Variants in IWS1 observed in about 807,000 individuals in gnomAD.
IWS1 encodes interacts with SUPT6H, CTD assembly factor 1.
Under a neutral mutation model 86.7 loss-of-function variants are expected in IWS1, and 27 were observed. That is an observed-to-expected ratio of 0.31 (90% CI 0.23 to 0.43). IWS1 has a LOEUF of 0.43. Ranked by LOEUF, IWS1 falls within the 20% of genes least tolerant of loss-of-function variation. The pLI, the probability that IWS1 is intolerant of heterozygous loss-of-function variation, is 1.00. For synonymous variants in IWS1, 313 were observed against 335.1 expected (o/e 0.93, Z 0.72); for missense variants, 827 against 1,000.8 (o/e 0.83, Z 2.34).
chr2:127,526,479 A>G lies in IWS1; in HGVS notation c.-271T>C. On this transcript the variant is annotated 5_prime_UTR_variant, in exon 1 of 14. Transcript: ENST00000295321. Reference sequence around the variant, plus strand: ...CTTCCTAGAAGCACCGCTGGGGCCAAAATGGCGTCTGCCCACGACCCTCAA... The same window carrying G: ...CTTCCTAGAAGCACCGCTGGGGCCAGAATGGCGTCTGCCCACGACCCTCAA... 6.6e-7 allele frequency: 1 copy of G among 1,524,632 alleles called. No homozygotes were observed. The highest frequency in any genetic ancestry group is 8.8e-7 in the Non-Finnish European group (1 of 1,132,144). The allele number at this position is 1,524,632 out of a possible 1,614,324, so 94.4% of individuals were successfully genotyped here. A position where few individuals can be genotyped will look rare whatever the true frequency, so the allele number is the denominator to read the frequency against.
chr2:127,517,938 T>C (rs918607508), intron 2 of IWS1, among the ~76,000 whole-genome samples: 3 of 152,170 alleles, frequency 2.0e-5, no homozygotes, highest in Non-Finnish European at 4.4e-5. Context: ...CCTGAAAATA[T>C]TATGCTAAGT....
chr2:127,495,675 G>C (rs1056134230), intron 7 of IWS1, among the ~76,000 whole-genome samples: 2 of 152,292 alleles, frequency 1.3e-5, no homozygotes, highest in Non-Finnish European at 2.9e-5. Flanking sequence ...AACGACACAT[G>C]AATTTGTAAC....
At chr2:127,496,261 C>A in intron 6 of IWS1, 113 bp from the exon 7 acceptor site, 1 of 1,189,016 alleles carries the variant, frequency 8.4e-7, no homozygotes, top group South Asian at 1.5e-5. Context: ...GAAGTGCTAC[C>A]TTCTTTTAAA....
Position 127,526,391 on chromosome 2 carries a change from C to T in IWS1, c.-183G>A, listed in dbSNP as rs535451187. ...AAGGCGAATTCTTTGACCTGGAAGC[C>T]CCGGCGGAAAAGGCCGTACCCGGCA... On this transcript the variant is annotated 5_prime_UTR_variant, in exon 1 of 14. Transcript: ENST00000295321. 20 of 1,536,198 alleles carry T rather than the reference C, an allele frequency of 1.3e-5. 1 individual carries two copies. In the East Asian group the frequency reaches 2.9e-4, roughly 23 times the overall value.
In IWS1 at chr2:127,486,793, C is replaced by T. The variant is rs2288654; in HGVS notation, c.2217-129G>A. 1.9e-3 allele frequency: 1,280 copies of T among 689,654 alleles called. 16 individuals carry two copies. The highest frequency in any genetic ancestry group is 0.014 in the South Asian group (834 of 59,272). The allele number at this position is 689,654 out of a possible 1,614,324, so 42.7% of individuals were successfully genotyped here. On this transcript the variant is annotated intron_variant, in intron 12 of 13. Coordinates refer to ENST00000295321, the MANE Select transcript of IWS1 (RefSeq NM_017969.3). ...ATGTTCGAAACTCCTCTACTCCCCA[C>T]CAAAGGTCACCCAATCCACCCTCCT...
At chr2:127,508,914 C>G (rs2104713368) in intron 2 of IWS1, among the ~76,000 whole-genome samples, 1 of 152,356 alleles carries the variant, frequency 6.6e-6, no homozygotes, top group Non-Finnish European at 1.5e-5. Flanking sequence ...TCACCCGCTA[C>G]ACTCTACCCC....
chr2:127,496,550 T>TATACACACACAC (rs1690521550), intron 6 of IWS1, among the ~76,000 whole-genome samples: 1 of 140,330 alleles, frequency 7.1e-6, no homozygotes, highest in Non-Finnish European at 1.5e-5. Flanking sequence ...TATTTTATCA[T>TATACACACACAC]ACACACACAC....
Position 127,505,213 on chromosome 2 carries a change from T to C in IWS1, c.690A>G (p.Pro230=), listed in dbSNP as rs1372977068. The change falls in exon 3 of 14, where the codon CCA becomes CCG. Residue 230 remains proline, a synonymous_variant. Transcript: ENST00000295321. This position sits in a 1 kb window ranked among gnomAD's most constrained non-coding sequence, Gnocchi z 5.0. Reference sequence around the variant, plus strand: ...TTTCAGAGTCACTGGCCTGGTGCCTTGGGGGTTCCTCACTTTCTGAATCAC... The same window carrying C: ...TTTCAGAGTCACTGGCCTGGTGCCTCGGGGGTTCCTCACTTTCTGAATCAC... ...QVSDSESEEP[P]RHQASDSENE... The C allele has an allele frequency of 6.2e-7, 1 of 1,613,724 alleles. No homozygotes were observed. The highest frequency in any genetic ancestry group is 8.5e-7 in the Non-Finnish European group (1 of 1,179,884).
intron 10 of IWS1, among the ~76,000 whole-genome samples, 178 bp downstream of exon 10, chr2:127,491,793 T>G (rs334153): frequency 0.15 from 22,060 of 151,394 alleles, 2,854 homozygotes; most frequent in African/African-American, 0.34. Context: ...TATATTGAGG[T>G]TTTTTTTTAA....
chr2:127,497,295 C>G (rs1422359136), intron 6 of IWS1, among the ~76,000 whole-genome samples: 1 of 152,154 alleles, frequency 6.6e-6, no homozygotes, highest in African/African-American at 2.4e-5. Context: ...ATTTTAAGTT[C>G]CAATGCAGGG....
At chr2:127,507,728 G>C (rs1691217473) in intron 2 of IWS1, among the ~76,000 whole-genome samples, 1 of 152,204 alleles carries the variant, frequency 6.6e-6, no homozygotes, top group Non-Finnish European at 1.5e-5. Flanking sequence ...TATCCTCAGA[G>C]TGCAGAATGG....
chr2:127,524,355 C>T (rs998120626), intron 1 of IWS1, among the ~76,000 whole-genome samples: 1 of 152,102 alleles, frequency 6.6e-6, no homozygotes, highest in Non-Finnish European at 1.5e-5. Context: ...TGTTACCTAA[C>T]TTTCTTTTAT....
At chr2:127,493,188 T>G in intron 9 of IWS1, 93 bp downstream of exon 9, 1 of 1,138,472 alleles carries the variant, frequency 8.8e-7, no homozygotes, top group South Asian at 2.3e-5. Flanking sequence ...GTAGCAGAGA[T>G]AACATATAAA....
intron 8 of IWS1, 43 bp from the exon 9 acceptor site, chr2:127,493,453 C>T: frequency 6.5e-7 from 1 of 1,542,544 alleles, no homozygotes; most frequent in African/African-American, 1.4e-5. Context: ...AACCTTGGTT[C>T]TACTGTATCT....
In IWS1 at chr2:127,499,544, C is replaced by T. The variant is rs1690694131; in HGVS notation, c.1468-1307G>A. ...CCAAGTTGATGTTAAGTCTCCAAAA[C>T]AGGTAAGTATACCTTATTCTTACAA... On this transcript the variant is annotated intron_variant, in intron 5 of 13. Coordinates refer to ENST00000295321, the MANE Select transcript of IWS1 (RefSeq NM_017969.3). The surrounding 1 kb of genome is among the most constrained non-coding windows in gnomAD (Gnocchi z 4.0). Among the ~76,000 whole-genome samples, 1 of 152,142 alleles carries T rather than the reference C, an allele frequency of 6.6e-6. No homozygotes were observed. The highest frequency in any genetic ancestry group is 1.5e-5 in the Non-Finnish European group (1 of 68,022).
At chr2:127,481,520 G>A (rs1175349543) in intron 13 of IWS1, among the ~76,000 whole-genome samples, 2 of 151,980 alleles carry the variant, frequency 1.3e-5, no homozygotes, top group Admixed American at 6.6e-5. Flanking sequence ...TTTCCCTTTC[G>A]AAGACCAAAT....
In IWS1 at chr2:127,499,490, A is replaced by T. The variant is rs1690691764; in HGVS notation, c.1468-1253T>A. Among the ~76,000 whole-genome samples the T allele has an allele frequency of 6.6e-6, 1 of 152,080 alleles. No homozygotes were observed. Among genetic ancestry groups the T allele is most frequent in the South Asian group, 2.1e-4 (1 of 4,826 alleles). Reference sequence around the variant, plus strand: ...CTTTCTCAATGGTTCACCTAGTACAATTTTTTTCTAACTGAACTGAAACTA... The same window carrying T: ...CTTTCTCAATGGTTCACCTAGTACATTTTTTTTCTAACTGAACTGAAACTA... On this transcript the variant is annotated intron_variant, in intron 5 of 13. Transcript: ENST00000295321. This position sits in a 1 kb window ranked among gnomAD's most constrained non-coding sequence, Gnocchi z 4.0.
chr2:127,507,007 T>A (rs1342061063), intron 2 of IWS1, among the ~76,000 whole-genome samples: 1 of 152,228 alleles, frequency 6.6e-6, no homozygotes, highest in African/African-American at 2.4e-5. Context: ...TATTTCCGTG[T>A]TTGAGTATAC....
intron 2 of IWS1, among the ~76,000 whole-genome samples, chr2:127,516,473 G>T (rs1691780945): frequency 6.6e-6 from 1 of 152,144 alleles, no homozygotes; most frequent in African/African-American, 2.4e-5. Flanking sequence ...GATATCTAAA[G>T]AAATAGGCCT....
Sources: gnomAD v4.1 joint callset for allele counts (sites outside exome capture counted in the v4.1 genomes callset) on GRCh38, gnomAD v4.1.1 for gene constraint, Gnocchi (gnomAD v3.1) non-coding constraint, MANE v1.5 for transcripts, NCBI Gene and HGNC (gene_info 2026-07-23, HGNC 2026-07-21) for gene names.